The following CREB3L2 variants were observed in gnomAD, a reference collection of about 807,000 sequenced individuals.
CREB3L2 encodes the protein cyclic AMP-responsive element-binding protein 3-like protein 2.
CREB3L2 carries 23 observed loss-of-function variants against 57.2 expected under a neutral mutation model. The ratio of observed to expected loss-of-function variants is 0.40; its 90% CI spans 0.29 to 0.57. The LOEUF (loss-of-function observed/expected upper bound fraction) is 0.57, where lower values mean the gene tolerates loss of function less well. Ranked by LOEUF, CREB3L2 falls within the 20% of genes least tolerant of loss-of-function variation. The pLI is 0.42. For missense variants in CREB3L2, 628 were observed against 634.7 expected (o/e 0.99, Z 0.11); for synonymous variants, 268 against 265.1 (o/e 1.01, Z -0.11).
intron 1 of CREB3L2, among the ~76,000 whole-genome samples, chr7:137,948,777 T>C (rs147058670): frequency 1.3e-5 from 2 of 152,322 alleles, no homozygotes; most frequent in Non-Finnish European, 2.9e-5. Context: ...TTATCTGTTA[T>C]AGACTGCAAG....
At chr7:137,955,037 T>C (rs1231376105) in intron 1 of CREB3L2, among the ~76,000 whole-genome samples, 1 of 152,164 alleles carries the variant, frequency 6.6e-6, no homozygotes, top group Non-Finnish European at 1.5e-5. Flanking sequence ...GAGCCACTGG[T>C]AGAGACACCA....
intron 7 of CREB3L2, among the ~76,000 whole-genome samples, chr7:137,902,848 A>ACT (rs1799793079): frequency 6.6e-6 from 1 of 151,466 alleles, no homozygotes; most frequent in Admixed American, 6.6e-5. Context: ...ACAGAGTCTC[A>ACT]CTCTATCATC....
At chr7:137,965,953 T>C (rs1184353852) in intron 1 of CREB3L2, among the ~76,000 whole-genome samples, 1 of 152,194 alleles carries the variant, frequency 6.6e-6, no homozygotes, top group African/African-American at 2.4e-5. Context: ...CCCTAGAGTT[T>C]CTAATTCAGT....
rs1799224421 is a variant in CREB3L2 at position 137,879,102 on chromosome 7, A to G, written c.*1374T>C. On this transcript the variant is annotated 3_prime_UTR_variant, in exon 12 of 12. Coordinates refer to ENST00000330387, the MANE Select transcript of CREB3L2 (RefSeq NM_194071.4). ...TTCTACATTACACAATAAAAAGGCAATTTCCACTTCTTATTTATATGAAAG... is the reference window on the plus strand; with the variant it reads ...TTCTACATTACACAATAAAAAGGCAGTTTCCACTTCTTATTTATATGAAAG... 5 of 489,300 alleles carry G rather than the reference A, an allele frequency of 1.0e-5. No individual in the cohort carries two copies. The highest frequency in any genetic ancestry group is 8.9e-5 in the South Asian group (5 of 56,184). 30.3% of individuals were successfully genotyped at this position (489,300 alleles called of 1,614,324 possible).
At chr7:137,981,258 G>A (rs1801705938) in intron 1 of CREB3L2, among the ~76,000 whole-genome samples, 1 of 152,226 alleles carries the variant, frequency 6.6e-6, no homozygotes, top group Admixed American at 6.5e-5. Context: ...TGGAGAATAG[G>A]AAGGTGGAGC....
intron 1 of CREB3L2, among the ~76,000 whole-genome samples, chr7:137,930,176 C>T (rs201273195): frequency 6.4e-4 from 98 of 152,200 alleles, no homozygotes; most frequent in African/African-American, 2.2e-3. Context: ...GGATTACAGG[C>T]GTGAGCCACT....
intron 1 of CREB3L2, among the ~76,000 whole-genome samples, chr7:137,949,532 T>A (rs1284365220): frequency 6.6e-6 from 1 of 152,174 alleles, no homozygotes; most frequent in Non-Finnish European, 1.5e-5. Context: ...TTCCCATGGA[T>A]CAAATGGACA....
intron 1 of CREB3L2, among the ~76,000 whole-genome samples, chr7:137,994,842 G>A (rs73729538): frequency 1.3e-5 from 2 of 152,104 alleles, no homozygotes; most frequent in African/African-American, 2.4e-5. Context: ...ACTGTTTTGC[G>A]CCCAGGGCAA....
At chr7:137,893,899 C>T (rs1297641651) in intron 8 of CREB3L2, among the ~76,000 whole-genome samples, 2 of 152,348 alleles carry the variant, frequency 1.3e-5, no homozygotes, top group East Asian at 1.9e-4. Flanking sequence ...CAGCCCAACA[C>T]CTGCTCCTTC....
chr7:137,878,129 G>GA lies in CREB3L2; in HGVS notation c.*2346dup. ...GAGTCCTGCTGTTTGGAGGTCGAGA[G>GA]AGAGTGACGTCAAGCAAGCGTAGTA... On this transcript the variant is annotated 3_prime_UTR_variant, in exon 12 of 12. Transcript: ENST00000330387. 4.3e-6 allele frequency: 1 copy of GA among 230,860 alleles called. No individual in the cohort carries two copies. Among genetic ancestry groups the GA allele is most frequent in the East Asian group, 6.2e-5 (1 of 16,216 alleles). 14.3% of individuals were successfully genotyped at this position (230,860 alleles called of 1,614,324 possible).
At chr7:137,997,081 CCT>C (rs1384045874) in intron 1 of CREB3L2, among the ~76,000 whole-genome samples, 2 of 152,206 alleles carry the variant, frequency 1.3e-5, no homozygotes, top group Non-Finnish European at 2.9e-5. Flanking sequence ...TCCCACTTCC[CCT>C]GTTCTTCATC....
At chr7:137,913,959 A>C (rs1477541534) in intron 3 of CREB3L2, among the ~76,000 whole-genome samples, 1 of 152,024 alleles carries the variant, frequency 6.6e-6, no homozygotes, top group Non-Finnish European at 1.5e-5. Context: ...CCAGCCTGGG[A>C]GTTTTCCCTG....
At chr7:137,883,485 A>G (rs1465718093) in intron 10 of CREB3L2, among the ~76,000 whole-genome samples, 2 of 152,214 alleles carry the variant, frequency 1.3e-5, no homozygotes, top group Non-Finnish European at 2.9e-5. Context: ...CAGGGTTTAT[A>G]TATGGGCATA....
At position 137,885,779 on chromosome 7, in the gene CREB3L2, C is replaced by T. The variant is rs561423777; in HGVS notation, c.1044-277G>A. 2.6e-5 allele frequency among the ~76,000 whole-genome samples: 4 copies of T among 152,336 alleles called. No homozygotes were observed. The East Asian group carries it at 7.7e-4, about 29-fold the overall frequency. ...CTGCCTCCACATTACCCCTGACAGG[C>T]TGTGGCTTGTTTCTCAGCGATTGAG... On this transcript the variant is annotated intron_variant, in intron 8 of 11. Transcript: ENST00000330387.
At chr7:137,986,668 C>T (rs912727944) in intron 1 of CREB3L2, among the ~76,000 whole-genome samples, 2 of 152,180 alleles carry the variant, frequency 1.3e-5, no homozygotes, top group African/African-American at 4.8e-5. Flanking sequence ...AGTCAGAATC[C>T]CACACCGAAA....
chr7:137,982,012 C>T (rs890566913), intron 1 of CREB3L2, among the ~76,000 whole-genome samples: 2 of 152,012 alleles, frequency 1.3e-5, no homozygotes, highest in African/African-American at 4.8e-5. Flanking sequence ...CTCTGGAATG[C>T]TCCAGGGGGA....
At chr7:137,966,329 G>C (rs1472677971) in intron 1 of CREB3L2, among the ~76,000 whole-genome samples, 2 of 152,174 alleles carry the variant, frequency 1.3e-5, no homozygotes. Context: ...AATAAGTTTG[G>C]ATGGTAATGT....
chr7:137,894,715 T>C (rs115429862), intron 8 of CREB3L2, among the ~76,000 whole-genome samples: 3,648 of 152,242 alleles, frequency 0.024, 135 homozygotes, highest in African/African-American at 0.082. Context: ...ACACATCCCA[T>C]GGAGGGGGAC....
chr7:137,898,998 G>T (rs1161971852), intron 8 of CREB3L2, among the ~76,000 whole-genome samples: 1 of 136,106 alleles, frequency 7.3e-6, no homozygotes, highest in Admixed American at 7.7e-5. Flanking sequence ...GAGGGAGAAA[G>T]GAAGGAGAAG....
Sources: allele counts gnomAD v4.1 joint callset (sites outside exome capture counted in the v4.1 genomes callset), GRCh38; gene constraint gnomAD v4.1.1; transcripts MANE v1.5; gene names NCBI Gene and HGNC (gene_info 2026-07-23, HGNC 2026-07-21).